The following ITGA11 variants were observed in gnomAD, a reference collection of about 807,000 sequenced individuals.
The protein encoded by ITGA11 is integrin subunit alpha 11, also known as integrin alpha-11.
In ITGA11, 97 loss-of-function variants were observed where a neutral mutation model predicts 141.9. The observed-to-expected ratio is 0.68, with a 90% CI of 0.58 to 0.81. The LOEUF is 0.81. Among genes scored for constraint, ITGA11 ranks in the 30% least tolerant of loss-of-function variants. The probability of loss-of-function intolerance (pLI) is 0.00; values close to 1 mark genes in which losing one functional copy is unlikely to be tolerated. For synonymous variants in ITGA11, 658 were observed against 624.6 expected (o/e 1.05, Z -0.80); for missense variants, 1,387 against 1,559.2 (o/e 0.89, Z 1.86).
chr15:68,311,449 G>C, intron 24 of ITGA11, 46 bp from the exon 25 acceptor site: 2 of 1,395,570 alleles, frequency 1.4e-6, no homozygotes, highest in Non-Finnish European at 2.0e-6. Context: ...GTTGAGGGGG[G>C]TGGAAAACAA....
rs543236452 is a variant in ITGA11, at chr15:68,391,424, G to A, written c.164+11494C>T. 3.9e-5 allele frequency among the ~76,000 whole-genome samples: 6 copies of A among 152,284 alleles called. No individual in the cohort carries two copies. In the East Asian group the frequency reaches 1.2e-3, roughly 29 times the overall value. ...CCAACCTCCAAGATCATGTTCAACTGCCCTCTTCCATGGAGCATTTCCAGA... is the reference window on the plus strand; with the variant it reads ...CCAACCTCCAAGATCATGTTCAACTACCCTCTTCCATGGAGCATTTCCAGA... On this transcript the variant is annotated intron_variant, in intron 2 of 29. Coordinates refer to ENST00000315757, the MANE Select transcript of ITGA11 (RefSeq NM_001004439.2).
At chr15:68,376,347 C>T (rs6494739) in intron 2 of ITGA11, among the ~76,000 whole-genome samples, 120,674 of 152,076 alleles carry the variant, frequency 0.79, 48,208 homozygotes, top group East Asian at 0.9. Context: ...GACCTGTCAC[C>T]CCCTCTCTCA....
chr15:68,353,739 AG>A (rs1205654239), intron 7 of ITGA11, among the ~76,000 whole-genome samples: 1 of 152,178 alleles, frequency 6.6e-6, no homozygotes, highest in African/African-American at 2.4e-5. Flanking sequence ...CCATGGGCCT[AG>A]AAACCAGAGT....
intron 3 of ITGA11, 58 bp downstream of exon 3, chr15:68,369,118 ATCAGAGCC>A: frequency 8.6e-7 from 1 of 1,165,370 alleles, no homozygotes. Context: ...ATGGGCGTGC[ATCAGAGCC>A]TGCCTTGTGT....
intron 10 of ITGA11, among the ~76,000 whole-genome samples, chr15:68,343,058 G>C (rs935792807): frequency 6.7e-6 from 1 of 148,846 alleles, no homozygotes; most frequent in East Asian, 2.0e-4. Flanking sequence ...GAGTTCCTCA[G>C]CTGTAAAATA....
At chr15:68,306,405 C>G (rs1455297648) in intron 28 of ITGA11, among the ~76,000 whole-genome samples, 1 of 152,086 alleles carries the variant, frequency 6.6e-6, no homozygotes. Flanking sequence ...GGGAACATTG[C>G]AGCATCTTTC....
chr15:68,364,913 C>G, intron 3 of ITGA11, 115 bp from the exon 4 acceptor site: 1 of 1,025,608 alleles, frequency 9.8e-7, no homozygotes, highest in Non-Finnish European at 1.5e-6. Context: ...ACCCTGGGGA[C>G]CTCTGGCTCT....
rs1178298793 is a variant in ITGA11, at chr15:68,351,152, T to C, written c.894+106A>G. 4.0e-6 allele frequency: 5 copies of C among 1,258,880 alleles called. No homozygotes were observed. In the African/African-American group the frequency reaches 6.0e-5, roughly 15 times the overall value. The allele number at this position is 1,258,880 out of a possible 1,614,324, so 78.0% of individuals were successfully genotyped here. A position where few individuals can be genotyped will look rare whatever the true frequency, so the allele number is the denominator to read the frequency against. On this transcript the variant is annotated intron_variant, in intron 8 of 29. Transcript: ENST00000315757. ...GAAATGGGAGGCTTTTTTGAGGGCCTGGACACTTGTGATACTGCCTGGAAC... is the reference window on the plus strand; with the variant it reads ...GAAATGGGAGGCTTTTTTGAGGGCCCGGACACTTGTGATACTGCCTGGAAC...
intron 24 of ITGA11, 90 bp downstream of exon 24, chr15:68,312,683 C>A: frequency 1.1e-6 from 1 of 948,842 alleles, no homozygotes; most frequent in Non-Finnish European, 1.6e-6. Flanking sequence ...GGACTCCGGG[C>A]ACTAGCGATG....
chr15:68,424,162 AT>A (rs1427681432), intron 1 of ITGA11, among the ~76,000 whole-genome samples: 1 of 152,206 alleles, frequency 6.6e-6, no homozygotes, highest in Non-Finnish European at 1.5e-5. Flanking sequence ...TCACCAATGA[AT>A]CACTCCACAC....
Position 68,358,503 on chromosome 15 carries a change from G to A in ITGA11, c.555C>T (p.Leu185=). The A allele has an allele frequency of 6.2e-7, 1 of 1,614,006 alleles. No homozygotes were observed. The highest frequency in any genetic ancestry group is 8.5e-7 in the Non-Finnish European group (1 of 1,179,976). ...IYPWVEVQHF[L]INILKKFYIG... Reference sequence around the variant, plus strand: ...TGTAAAACTTTTTCAGGATGTTGATGAGGAAGTGCTGAACCTCCACCCAGG... The same window carrying A: ...TGTAAAACTTTTTCAGGATGTTGATAAGGAAGTGCTGAACCTCCACCCAGG... Residue 185 remains leucine (L), a synonymous_variant, in exon 6 of 30, where the codon CTC becomes CTT. Transcript: ENST00000315757.
intron 24 of ITGA11, 108 bp downstream of exon 24, chr15:68,312,665 T>C (rs979958130): frequency 1.3e-6 from 1 of 782,430 alleles, no homozygotes. Context: ...GGTGGCAGGG[T>C]TGAGGCTGGA....
At chr15:68,381,483 G>A (rs1895859614) in intron 2 of ITGA11, among the ~76,000 whole-genome samples, 1 of 152,076 alleles carries the variant, frequency 6.6e-6, no homozygotes, top group Non-Finnish European at 1.5e-5. Flanking sequence ...GAGTTTATTA[G>A]GTACCAGGGA....
chr15:68,358,705 G>A, intron 5 of ITGA11, 120 bp from the exon 6 acceptor site: 1 of 1,119,264 alleles, frequency 8.9e-7, no homozygotes, highest in Admixed American at 3.1e-5. Flanking sequence ...AATTCCCTGG[G>A]CTGGGAAACT....
chr15:68,401,000 A>C (rs1896495714), intron 2 of ITGA11, among the ~76,000 whole-genome samples: 1 of 131,596 alleles, frequency 7.6e-6, no homozygotes, highest in Non-Finnish European at 1.5e-5. Flanking sequence ...AAAGGCCTTT[A>C]ATCAGTAAGA....
intron 20 of ITGA11, 52 bp from the exon 21 acceptor site, chr15:68,317,415 A>G: frequency 7.9e-7 from 1 of 1,259,490 alleles, no homozygotes; most frequent in Non-Finnish European, 1.2e-6. Flanking sequence ...GCCTGGGACC[A>G]GGTCTCGAGG....
chr15:68,299,417 A>AT lies in ITGA11; in HGVS notation c.*3641_*3642insA, dbSNP rs1317801721. 6.7e-5 allele frequency: 10 copies of AT among 148,176 alleles called. No homozygotes were observed. The highest frequency in any genetic ancestry group is 2.6e-4 in the African/African-American group (10 of 38,260). 9.2% of individuals were successfully genotyped at this position (148,176 alleles called of 1,614,324 possible). Reference sequence around the variant, plus strand: ...AATATTAACATAAAGATAGTAGGGGAGTTTTTTTTTTTTTTAAATTATAAG... The same window carrying AT: ...AATATTAACATAAAGATAGTAGGGGATGTTTTTTTTTTTTTTAAATTATAAG... On this transcript the variant is annotated 3_prime_UTR_variant, in exon 30 of 30. Coordinates refer to ENST00000315757, the MANE Select transcript of ITGA11 (RefSeq NM_001004439.2).
intron 21 of ITGA11, among the ~76,000 whole-genome samples, chr15:68,316,194 G>A (rs986355225): frequency 6.6e-6 from 1 of 152,214 alleles, no homozygotes; most frequent in Non-Finnish European, 1.5e-5. Context: ...GGAGGAGATG[G>A]CCCAGAGAGG....
At position 68,311,048 on chromosome 15, in the gene ITGA11, G is replaced by A; in HGVS notation, c.3120C>T (p.Ser1040=). Residue 1040 remains serine, a synonymous_variant, in exon 26 of 30, where the codon AGC becomes AGT. Transcript: ENST00000315757. The part of the protein sequence containing the change: ...ANTSCNIWGN[S]TEYRPTPVEE... ...CCACTGGGGTGGGCCGGTACTCAGTGCTATTGCCCCAGATGTTACAGGACG... is the reference window on the plus strand; with the variant it reads ...CCACTGGGGTGGGCCGGTACTCAGTACTATTGCCCCAGATGTTACAGGACG... 2 of 1,608,056 alleles carry A rather than the reference G, an allele frequency of 1.2e-6. No homozygotes were observed. The highest frequency in any genetic ancestry group is 1.7e-6 in the Non-Finnish European group (2 of 1,177,206).
Sources: gnomAD v4.1 joint callset for allele counts (sites outside exome capture counted in the v4.1 genomes callset) on GRCh38, gnomAD v4.1.1 for gene constraint, MANE v1.5 for transcripts, NCBI Gene and HGNC (gene_info 2026-07-23, HGNC 2026-07-21) for gene names.